PIK3C2B: variants seen among roughly 807,000 people sequenced by gnomAD.
PIK3C2B encodes phosphatidylinositol-4-phosphate 3-kinase catalytic subunit type 2 beta.
A neutral mutation model predicts 184.3 loss-of-function variants in PIK3C2B; 83 were observed. The ratio of observed to expected loss-of-function variants is 0.45; its 90% confidence interval spans 0.38 to 0.54. PIK3C2B has a LOEUF of 0.54. Ranked by LOEUF, PIK3C2B falls within the 20% of genes least tolerant of loss-of-function variation. The probability of loss-of-function intolerance (pLI) is 0.00; values close to 1 mark genes in which losing one functional copy is unlikely to be tolerated. For synonymous variants in PIK3C2B, 779 were observed against 837.6 expected (o/e 0.93, Z 1.21); for missense variants, 1,736 against 2,113.5 (o/e 0.82, Z 3.50).
At chr1:204,431,536 CA>C in intron 28 of PIK3C2B, 132 bp downstream of exon 28, 2 of 1,134,624 alleles carry the variant, frequency 1.8e-6, no homozygotes, top group South Asian at 1.4e-5. Context: ...AACTCCATAC[CA>C]GGCCAAGCAA....
chr1:204,466,654 C>G (rs1655822067), intron 2 of PIK3C2B: 1 of 382,914 alleles, frequency 2.6e-6, no homozygotes, highest in Non-Finnish European at 5.2e-6. Context: ...GAGAGAGAGA[C>G]AGTGGGGGGA....
Position 204,447,652 on chromosome 1 carries a change from C to T in PIK3C2B, c.2347-74G>A. On this transcript the variant is annotated intron_variant, in intron 14 of 32. Coordinates refer to ENST00000684373, the MANE Select transcript of PIK3C2B (RefSeq NM_001377334.1). This position sits in a 1 kb window ranked among gnomAD's most constrained non-coding sequence, Gnocchi z 4.1. The stretch of plus-strand genomic sequence containing the variant: ...TGGACTCCCAGCTTCTTTCTCTCAC[C>T]CCAGCATTCCGGCCTTGTCCCTCCC... 1 of 1,074,552 alleles carries T rather than the reference C, an allele frequency of 9.3e-7. No homozygotes were observed. The allele number at this position is 1,074,552 out of a possible 1,614,324, so 66.6% of individuals were successfully genotyped here.
At chr1:204,460,243 C>T (rs866737233) in intron 7 of PIK3C2B, 81 bp downstream of exon 7, 70 of 1,189,140 alleles carry the variant, frequency 5.9e-5, no homozygotes, top group Middle Eastern at 2.5e-4. Context: ...TTAGCCCTGA[C>T]AGAAAGGCAA....
Position 204,447,619 on chromosome 1 carries a change from A to G in PIK3C2B, c.2347-41T>C. The G allele has an allele frequency of 6.6e-7, 1 of 1,510,312 alleles. No homozygotes were observed. Among genetic ancestry groups the G allele is most frequent in the South Asian group, 1.1e-5 (1 of 88,608 alleles). 93.6% of individuals were successfully genotyped at this position (1,510,312 alleles called of 1,614,324 possible). On this transcript the variant is annotated intron_variant, in intron 14 of 32. Coordinates refer to ENST00000684373, the MANE Select transcript of PIK3C2B (RefSeq NM_001377334.1). The surrounding 1 kb of genome is among the most constrained non-coding windows in gnomAD (Gnocchi z 4.1). ...AGGGATGTGAGGAGAGAAAACAGGC[A>G]GCGTGTGTGGACTCCCAGCTTCTTT...
intron 4 of PIK3C2B, 63 bp from the exon 5 acceptor site, chr1:204,464,195 C>T (rs748225766): frequency 8.9e-6 from 14 of 1,575,482 alleles, no homozygotes; most frequent in South Asian, 1.1e-5. Flanking sequence ...GTCTCAGTTT[C>T]CCCACCCTGA....
intron 2 of PIK3C2B, chr1:204,467,149 T>TG (rs140417606): frequency 0.015 from 4,910 of 338,120 alleles, 229 homozygotes; most frequent in African/African-American, 0.097. Context: ...TGGGGAAGGG[T>TG]GAGGGAGTAG....
intron 23 of PIK3C2B, among the ~76,000 whole-genome samples, chr1:204,437,427 G>A (rs1675409136): frequency 6.6e-6 from 1 of 152,144 alleles, no homozygotes; most frequent in Non-Finnish European, 1.5e-5. Flanking sequence ...TCCAGGAGGT[G>A]GAGGTTGCAG....
At chr1:204,461,681 C>G (rs550701093) in intron 5 of PIK3C2B, among the ~76,000 whole-genome samples, 2 of 152,138 alleles carry the variant, frequency 1.3e-5, no homozygotes, top group African/African-American at 4.8e-5. Context: ...TCTAGACCCT[C>G]TCAGATCTAA....
chr1:204,483,987 C>A (rs1360612646), intron 1 of PIK3C2B, among the ~76,000 whole-genome samples: 3 of 152,202 alleles, frequency 2.0e-5, no homozygotes. Context: ...TCCATAGGAA[C>A]TGTGTCGAAA....
At chr1:204,489,400 T>C (rs996150850) in intron 1 of PIK3C2B, among the ~76,000 whole-genome samples, 2 of 151,884 alleles carry the variant, frequency 1.3e-5, no homozygotes, top group South Asian at 2.1e-4. Context: ...TCAAACTCCT[T>C]GGCTCAAGTG....
At chr1:204,425,823 TC>T in intron 31 of PIK3C2B, 82 bp from the exon 32 acceptor site, 1 of 1,319,980 alleles carries the variant, frequency 7.6e-7, no homozygotes, top group Non-Finnish European at 1.1e-6. Flanking sequence ...CACACTCTGA[TC>T]CAGACTCTCA....
chr1:204,427,897 T>C (rs898430339), intron 30 of PIK3C2B, 143 bp from the exon 31 acceptor site: 4 of 665,772 alleles, frequency 6.0e-6, no homozygotes, highest in Non-Finnish European at 1.1e-5. Context: ...TGAATGTGAT[T>C]AGAGTTAATT....
At chr1:204,459,505 C>T (rs1047575358) in intron 8 of PIK3C2B, among the ~76,000 whole-genome samples, 18 of 152,200 alleles carry the variant, frequency 1.2e-4, no homozygotes, top group Non-Finnish European at 2.6e-4. Flanking sequence ...CAAAACAGAA[C>T]CTCTCAAACT....
rs1328969512 is a variant in PIK3C2B at position 204,445,871 on chromosome 1, G to A, written c.2678+85C>T. 3.4e-6 allele frequency: 3 copies of A among 885,196 alleles called. No homozygotes were observed. The East Asian group carries it at 8.7e-5, about 26-fold the overall frequency. 54.8% of individuals were successfully genotyped at this position (885,196 alleles called of 1,614,324 possible). ...ACACCCACTTTACCATTTTCCCCAG[G>A]GCTGGCTCAGATCACTGATGGGCAG... On this transcript the variant is annotated intron_variant, in intron 16 of 32. Transcript: ENST00000684373.
intron 1 of PIK3C2B, among the ~76,000 whole-genome samples, chr1:204,484,337 TTGTAAA>T (rs1657418898): frequency 6.6e-6 from 1 of 152,148 alleles, no homozygotes; most frequent in South Asian, 2.1e-4. Flanking sequence ...GTCACACAAC[TTGTAAA>T]TGATAAAATC....
At chr1:204,463,456 G>C (rs1396568812) in intron 5 of PIK3C2B, among the ~76,000 whole-genome samples, 3 of 152,166 alleles carry the variant, frequency 2.0e-5, no homozygotes, top group African/African-American at 7.2e-5. Context: ...CAGGGAGGCT[G>C]CTTTCCAGAG....
chr1:204,494,714 C>T lies in PIK3C2B; in HGVS notation c.-443G>A, dbSNP rs1334078768. 6.6e-6 allele frequency: 1 copy of T among 152,288 alleles called. No individual in the cohort carries two copies. Among genetic ancestry groups the T allele is most frequent in the Non-Finnish European group, 1.5e-5 (1 of 68,116 alleles). 9.4% of individuals were successfully genotyped at this position (152,288 alleles called of 1,614,324 possible). A position where few individuals can be genotyped will look rare whatever the true frequency, so the allele number is the denominator to read the frequency against. The stretch of plus-strand genomic sequence containing the variant: ...GAGAGGGGAAGCCATCTCCCGGACA[C>T]CCGGCGCACTGCACGGCGACGCGAC... On this transcript the variant is annotated 5_prime_UTR_variant, in exon 1 of 33. The change creates a new upstream start codon in the 5' untranslated region. Coordinates refer to ENST00000684373, the MANE Select transcript of PIK3C2B (RefSeq NM_001377334.1).
intron 5 of PIK3C2B, among the ~76,000 whole-genome samples, chr1:204,462,116 G>A (rs938815718): frequency 1.1e-4 from 16 of 152,166 alleles, no homozygotes; most frequent in African/African-American, 3.4e-4. Flanking sequence ...GATCTTCTCT[G>A]TGGAAGGCCT....
In PIK3C2B at chr1:204,471,047, T is replaced by A; in HGVS notation, c.-84-1161A>T. Among the ~76,000 whole-genome samples, 2 of 152,252 alleles carry A rather than the reference T, an allele frequency of 1.3e-5. 1 individual carries two copies. The highest frequency in any genetic ancestry group is 4.8e-5 in the African/African-American group (2 of 41,466). On this transcript the variant is annotated intron_variant, in intron 1 of 32. Transcript: ENST00000684373. The stretch of plus-strand genomic sequence containing the variant: ...GGAGGTGATGAATATGTTCATTATC[T>A]CGATTGTGGTCATGGCTTCACTGGT...
Sources: allele counts gnomAD v4.1 joint callset (sites outside exome capture counted in the v4.1 genomes callset), GRCh38; gene constraint gnomAD v4.1.1; non-coding constraint Gnocchi (gnomAD v3.1); transcripts MANE v1.5; gene names NCBI Gene and HGNC (gene_info 2026-07-23, HGNC 2026-07-21).